Variants in ZFYVE9 observed in about 807,000 individuals in gnomAD.
ZFYVE9 encodes the protein zinc finger FYVE-type containing 9, also known as zinc finger FYVE domain-containing protein 9.
In ZFYVE9, 43 loss-of-function variants were observed where a neutral mutation model predicts 126.7. The ratio of observed to expected loss-of-function variants is 0.34; its 90% CI spans 0.27 to 0.44. The LOEUF (loss-of-function observed/expected upper bound fraction) is 0.44, where lower values mean the gene tolerates loss of function less well. Ranked by LOEUF, ZFYVE9 falls within the 20% of genes least tolerant of loss-of-function variation. The probability of loss-of-function intolerance (pLI) is 1.00; values close to 1 mark genes in which losing one functional copy is unlikely to be tolerated. For synonymous variants in ZFYVE9, 521 were observed against 597.4 expected (o/e 0.87, Z 1.87); for missense variants, 1,476 against 1,697.0 (o/e 0.87, Z 2.29).
At chr1:52,273,256 C>G (rs1269546527) in intron 7 of ZFYVE9, among the ~76,000 whole-genome samples, 1 of 152,068 alleles carries the variant, frequency 6.6e-6, no homozygotes, top group East Asian at 1.9e-4. Context: ...ATCCACCCAC[C>G]TCAGACTCCC....
intron 1 of ZFYVE9, among the ~76,000 whole-genome samples, chr1:52,163,971 T>A (rs1311488329): frequency 6.6e-6 from 1 of 152,118 alleles, no homozygotes; most frequent in African/African-American, 2.4e-5. Flanking sequence ...ACCTTTTTTT[T>A]AAGACAGGGT....
chr1:52,172,077 T>C (rs12075308), intron 1 of ZFYVE9, among the ~76,000 whole-genome samples: 5,410 of 152,222 alleles, frequency 0.036, 232 homozygotes, highest in African/African-American at 0.11. Flanking sequence ...TCCTTGCCCA[T>C]GCCTATGTCC....
intron 1 of ZFYVE9, among the ~76,000 whole-genome samples, chr1:52,199,659 G>A (rs957462139): frequency 2.6e-5 from 4 of 152,184 alleles, no homozygotes; most frequent in Non-Finnish European, 5.9e-5. Flanking sequence ...GCAGGTTTTT[G>A]TGTGGACATG....
In ZFYVE9 at chr1:52,309,534, T is replaced by C. The variant is rs188680370; in HGVS notation, c.3438+5609T>C. ...AAAAGACCTTAAGTGAAAAGGGGGA[T>C]AGATACCTGCCTACACAAAGGAAGG... On this transcript the variant is annotated intron_variant, in intron 13 of 18. Coordinates refer to ENST00000287727, the MANE Select transcript of ZFYVE9 (RefSeq NM_004799.4). 2.2e-3 allele frequency among the ~76,000 whole-genome samples: 339 copies of C among 152,014 alleles called. 1 individual carries two copies. Among genetic ancestry groups the C allele is most frequent in the Admixed American group, 5.0e-3 (77 of 15,248 alleles).
Position 52,239,431 on chromosome 1 carries a change from G to C in ZFYVE9, c.2014G>C (p.Asp672His). The change falls in exon 4 of 19, where the codon GAT (aspartate) becomes CAT (histidine). Residue 672 changes from aspartate (D) to histidine (H), a missense_variant. This residue lies in a region of ZFYVE9 where 807 missense variants were observed against 794.6 expected (regional missense o/e 1.02). Coordinates refer to ENST00000287727, the MANE Select transcript of ZFYVE9 (RefSeq NM_004799.4). ...ATTAGCTCCAGATAGCCCAGATAAT[G>C]ATCTCAGAGCTGGTCAGTTTGGAAT... Reference protein sequence around the residue: ...LALAPDSPDNDLRAGQFGISA... With the variant: ...LALAPDSPDNHLRAGQFGISA... The C allele has an allele frequency of 6.2e-7, 1 of 1,614,118 alleles. No individual in the cohort carries two copies. Among genetic ancestry groups the C allele is most frequent in the Non-Finnish European group, 8.5e-7 (1 of 1,180,000 alleles).
Position 52,274,599 on chromosome 1 carries a change from T to TA in ZFYVE9, c.2746+16dup, listed in dbSNP as rs762015708. On this transcript the variant is annotated intron_variant, in intron 8 of 18. Coordinates refer to ENST00000287727, the MANE Select transcript of ZFYVE9 (RefSeq NM_004799.4). ...TGTAAAAGGAGGTAAGTGGACTACA[T>TA]ATTTAAACAGTGATAGTTCTATCTG... 1 of 1,592,734 alleles carries TA rather than the reference T, an allele frequency of 6.3e-7. No individual in the cohort carries two copies.
chr1:52,162,648 AGGC>A, intron 1 of ZFYVE9: 1 of 277,316 alleles, frequency 3.6e-6, no homozygotes, highest in Admixed American at 3.9e-5. Flanking sequence ...GTACAAACTA[AGGC>A]CAAACACTCT....
chr1:52,330,776 T>C (rs1233368043), intron 13 of ZFYVE9, among the ~76,000 whole-genome samples: 1 of 152,160 alleles, frequency 6.6e-6, no homozygotes, highest in Non-Finnish European at 1.5e-5. Flanking sequence ...ATGCCCAACC[T>C]CCTGGGATGC....
chr1:52,312,332 T>G (rs113351876), intron 13 of ZFYVE9, among the ~76,000 whole-genome samples: 3 of 152,192 alleles, frequency 2.0e-5, no homozygotes, highest in African/African-American at 7.2e-5. Context: ...GCATCCACCA[T>G]TAATATGCAT....
chr1:52,191,397 A>G (rs561716890), intron 1 of ZFYVE9, among the ~76,000 whole-genome samples: 2 of 152,316 alleles, frequency 1.3e-5, no homozygotes, highest in African/African-American at 4.8e-5. Flanking sequence ...CATTCTTTCA[A>G]CAAATATGCC....
chr1:52,199,242 T>G (rs984606750), intron 1 of ZFYVE9, among the ~76,000 whole-genome samples: 7 of 152,006 alleles, frequency 4.6e-5, no homozygotes, highest in African/African-American at 1.7e-4. Flanking sequence ...TTTTTTGTAT[T>G]TTTTTTAGTA....
At chr1:52,223,617 A>G (rs190815550) in intron 2 of ZFYVE9, among the ~76,000 whole-genome samples, 3 of 152,166 alleles carry the variant, frequency 2.0e-5, no homozygotes, top group Admixed American at 6.5e-5. Flanking sequence ...CTAAACCTGC[A>G]TATTTTCTTA....
At chr1:52,177,250 A>G (rs1644643439) in intron 1 of ZFYVE9, among the ~76,000 whole-genome samples, 1 of 151,962 alleles carries the variant, frequency 6.6e-6, no homozygotes, top group Non-Finnish European at 1.5e-5. Context: ...CCCAGGTTCA[A>G]GCACTTCTCC....
At chr1:52,292,956 A>G (rs1645937251) in intron 10 of ZFYVE9, among the ~76,000 whole-genome samples, 1 of 152,182 alleles carries the variant, frequency 6.6e-6, no homozygotes, top group Non-Finnish European at 1.5e-5. Flanking sequence ...TTGGAAACCA[A>G]ATTTTCATTT....
chr1:52,263,751 CT>C (rs1645604266), intron 4 of ZFYVE9, 21 bp from the exon 5 acceptor site: 3 of 822,226 alleles, frequency 3.6e-6, no homozygotes, highest in South Asian at 2.0e-5. Context: ...TTTGTGTGTT[CT>C]TCCCCCCCCC....
chr1:52,221,120 T>A (rs760243061), intron 2 of ZFYVE9, among the ~76,000 whole-genome samples: 4 of 152,216 alleles, frequency 2.6e-5, no homozygotes, highest in Non-Finnish European at 4.4e-5. Flanking sequence ...TCCTTCTTGA[T>A]TCTGCAGGGA....
At chr1:52,264,636 A>G (rs1645615497) in intron 5 of ZFYVE9, among the ~76,000 whole-genome samples, 2 of 152,232 alleles carry the variant, frequency 1.3e-5, no homozygotes, top group South Asian at 4.1e-4. Flanking sequence ...TTACTAATAG[A>G]CATAAAATGT....
intron 3 of ZFYVE9, among the ~76,000 whole-genome samples, chr1:52,235,177 AACTATTTTTTTGAATCTC>A (rs1645262576): frequency 6.6e-6 from 1 of 151,580 alleles, no homozygotes; most frequent in Non-Finnish European, 1.5e-5. Flanking sequence ...CATTTGTTTG[AACTATTTTTTTGAATCTC>A]ACTACCAGTT....
chr1:52,211,664 A>T (rs1417564376), intron 1 of ZFYVE9, among the ~76,000 whole-genome samples: 7 of 152,040 alleles, frequency 4.6e-5, no homozygotes, highest in Non-Finnish European at 8.8e-5. Flanking sequence ...ACACTGCGAG[A>T]CCCCATCTCT....
Sources: gnomAD v4.1 joint callset for allele counts (sites outside exome capture counted in the v4.1 genomes callset) on GRCh38, gnomAD v4.1.1 for gene constraint, gnomAD v4.1.1 regional missense constraint, MANE v1.5 for transcripts, NCBI Gene and HGNC (gene_info 2026-07-23, HGNC 2026-07-21) for gene names.